CFLAR: variants seen among roughly 807,000 people sequenced by gnomAD.
CFLAR encodes the protein CASP8 and FADD like apoptosis regulator.
In CFLAR, 14 loss-of-function variants were observed where a neutral mutation model predicts 51.1. The observed-to-expected ratio is 0.27, with a 90% CI of 0.18 to 0.43. CFLAR has a LOEUF of 0.43. Among genes scored for constraint, CFLAR ranks in the 20% least tolerant of loss-of-function variants. The pLI, the probability that CFLAR is intolerant of heterozygous loss-of-function variation, is 1.00. For synonymous variants in CFLAR, 210 were observed against 211.6 expected, an observed-to-expected ratio of 0.99 and a Z score of 0.06; for missense variants, 390 against 566.5, an observed-to-expected ratio of 0.69 and a Z score of 3.16.
chr2:201,168,196 C>A lies in CFLAR; in HGVS notation c.*4223C>A, dbSNP rs1362136215. On this transcript the variant is annotated 3_prime_UTR_variant, in exon 10 of 10. Coordinates refer to ENST00000309955, the MANE Select transcript of CFLAR (RefSeq NM_003879.7). ...GGTGGAGCTTGCAGCGAGCTGAGAT[C>A]TTGCCACTGCACTCCAGCCTGGGCG... 6.6e-6 allele frequency: 1 copy of A among 152,160 alleles called. No individual in the cohort carries two copies. The highest frequency in any genetic ancestry group is 6.5e-5 in the Admixed American group (1 of 15,270). The allele number at this position is 152,160 out of a possible 1,614,324, so 9.4% of individuals were successfully genotyped here.
At position 201,175,934 on chromosome 2, in the gene CFLAR, T is replaced by G. The variant is rs1944162987; in HGVS notation, c.*11961T>G. On this transcript the variant is annotated 3_prime_UTR_variant, in exon 10 of 10. Transcript: ENST00000309955. ...GCCTGGCCATCATGATGATGAAACC[T>G]CGTCTCTACTAAAAATAGAAAAATC... 1 of 151,850 alleles carries G rather than the reference T, an allele frequency of 6.6e-6. No individual in the cohort carries two copies. The highest frequency in any genetic ancestry group is 2.4e-5 in the African/African-American group (1 of 41,312). The allele number at this position is 151,850 out of a possible 1,614,324, so 9.4% of individuals were successfully genotyped here.
At chr2:201,143,319 A>G (rs1358194745) in intron 5 of CFLAR, 2 of 152,034 alleles carry the variant, frequency 1.3e-5, no homozygotes, top group Middle Eastern at 3.2e-3. Flanking sequence ...CTAAAAATAC[A>G]AAATTTTCCA....
chr2:201,120,039 T>C (rs2125589237), intron 1 of CFLAR, among the ~76,000 whole-genome samples: 1 of 149,820 alleles, frequency 6.7e-6, no homozygotes. Context: ...TTTTTTTTTT[T>C]TTTGAGATGA....
Position 201,164,164 on chromosome 2 carries a change from C to T in CFLAR, c.*191C>T. On this transcript the variant is annotated 3_prime_UTR_variant, in exon 10 of 10. Coordinates refer to ENST00000309955, the MANE Select transcript of CFLAR (RefSeq NM_003879.7). Reference sequence around the variant, plus strand: ...CCTGTATTCCCAGTTACTTGGGAGGCTGAGGTGGGAGGATCTTTTGAACCC... The same window carrying T: ...CCTGTATTCCCAGTTACTTGGGAGGTTGAGGTGGGAGGATCTTTTGAACCC... 2.3e-6 allele frequency: 1 copy of T among 440,132 alleles called. No individual in the cohort carries two copies. The highest frequency in any genetic ancestry group is 4.1e-6 in the Non-Finnish European group (1 of 245,926). The allele number at this position is 440,132 out of a possible 1,614,324, so 27.3% of individuals were successfully genotyped here.
Position 201,124,203 on chromosome 2 carries a change from G to A in CFLAR, c.-137-5526G>A, listed in dbSNP as rs1480913794. On this transcript the variant is annotated intron_variant, in intron 1 of 9. Transcript: ENST00000309955. This position sits in a 1 kb window ranked among gnomAD's most constrained non-coding sequence, Gnocchi z 4.7. ...TGCCTTTGTTACCAGATAGTTTGGGGGCAGCGTTGGTGTTCTGTGAGAAAG... is the reference window on the plus strand; with the variant it reads ...TGCCTTTGTTACCAGATAGTTTGGGAGCAGCGTTGGTGTTCTGTGAGAAAG... Among the ~76,000 whole-genome samples, 1 of 152,156 alleles carries A rather than the reference G, an allele frequency of 6.6e-6. No homozygotes were observed. The highest frequency in any genetic ancestry group is 2.4e-5 in the African/African-American group (1 of 41,428).
chr2:201,146,079 G>A (rs1009599929), intron 6 of CFLAR, among the ~76,000 whole-genome samples: 2 of 151,804 alleles, frequency 1.3e-5, no homozygotes, highest in African/African-American at 4.8e-5. Flanking sequence ...TAATTCTCAT[G>A]CCTCAGCCTC....
In CFLAR at chr2:201,145,260, G is replaced by A. The variant is rs41271457; in HGVS notation, c.607-118G>A. 4,505 of 609,202 alleles carry A rather than the reference G, an allele frequency of 7.4e-3. 25 individuals are homozygous for A. Among genetic ancestry groups the A allele is most frequent in the Non-Finnish European group, 0.01 (3,455 of 337,642 alleles). 37.7% of individuals were successfully genotyped at this position (609,202 alleles called of 1,614,324 possible). On this transcript the variant is annotated intron_variant, in intron 5 of 9. Coordinates refer to ENST00000309955, the MANE Select transcript of CFLAR (RefSeq NM_003879.7). ...CTTTAGATAATTTAACTGTTGGGAC[G>A]ATATTTTTATTTTTTTCCTGAGTTA... is the stretch of plus-strand genomic sequence containing the variant.
chr2:201,131,924 A>T (rs2049373401), intron 2 of CFLAR, among the ~76,000 whole-genome samples: 1 of 151,722 alleles, frequency 6.6e-6, no homozygotes, highest in Non-Finnish European at 1.5e-5. Flanking sequence ...TGTTGTGAGC[A>T]TCAGTTGTAA....
intron 8 of CFLAR, chr2:201,157,818 A>G (rs1942426553): frequency 6.6e-6 from 1 of 152,276 alleles, no homozygotes; most frequent in Admixed American, 6.5e-5. Context: ...TAAAGTTGCA[A>G]GTGCCAGCTA....
intron 3 of CFLAR, among the ~76,000 whole-genome samples, chr2:201,135,380 C>T (rs2049960186): frequency 6.6e-6 from 1 of 152,164 alleles, no homozygotes; most frequent in Non-Finnish European, 1.5e-5. Flanking sequence ...GTCTTTTCAG[C>T]CCTGCTCTTT....
chr2:201,127,503 G>A (rs533496643), intron 1 of CFLAR, among the ~76,000 whole-genome samples: 1 of 152,250 alleles, frequency 6.6e-6, no homozygotes, highest in South Asian at 2.1e-4. Context: ...AAAAACTGAA[G>A]ACCTTATGAG....
At chr2:201,146,006 A>T (rs1284543753) in intron 6 of CFLAR, among the ~76,000 whole-genome samples, 1 of 151,402 alleles carries the variant, frequency 6.6e-6, no homozygotes, top group African/African-American at 2.4e-5. Context: ...TCACTCTGTC[A>T]CCCAGGCCGG....
intron 8 of CFLAR, among the ~76,000 whole-genome samples, chr2:201,158,871 A>ATTATTATTG (rs1942627118): frequency 6.7e-6 from 1 of 148,406 alleles, no homozygotes; most frequent in African/African-American, 2.5e-5. Context: ...TATTATTATT[A>ATTATTATTG]TTATTATTAT....
chr2:201,123,390 C>T (rs1486218877), intron 1 of CFLAR, among the ~76,000 whole-genome samples: 1 of 152,148 alleles, frequency 6.6e-6, no homozygotes, highest in African/African-American at 2.4e-5. Flanking sequence ...CTGGGAAGTC[C>T]AAGATCAAGG....
At position 201,118,352 on chromosome 2, in the gene CFLAR, G is replaced by C. The variant is rs1017867715; in HGVS notation, c.-138+1871G>C. 5 of 152,284 alleles carry C rather than the reference G, an allele frequency of 3.3e-5. No individual in the cohort carries two copies. The highest frequency in any genetic ancestry group is 1.2e-4 in the African/African-American group (5 of 41,468). 9.4% of individuals were successfully genotyped at this position (152,284 alleles called of 1,614,324 possible). Reference sequence around the variant, plus strand: ...CCCCGAAAGTCTTGCGCGACCCGGGGTGGGCCGGATAGTGTGCAGTTTTTT... The same window carrying C: ...CCCCGAAAGTCTTGCGCGACCCGGGCTGGGCCGGATAGTGTGCAGTTTTTT... On this transcript the variant is annotated intron_variant, in intron 1 of 9. Transcript: ENST00000309955. This position sits in a 1 kb window ranked among gnomAD's most constrained non-coding sequence, Gnocchi z 5.1.
chr2:201,122,871 G>A (rs1240182871), intron 1 of CFLAR: 2 of 152,186 alleles, frequency 1.3e-5, no homozygotes, highest in African/African-American at 4.8e-5. Context: ...TAGATTATGG[G>A]TTGGGCTGAA....
chr2:201,131,032 T>C (rs896721374), intron 2 of CFLAR, among the ~76,000 whole-genome samples: 1 of 152,226 alleles, frequency 6.6e-6, no homozygotes, highest in Non-Finnish European at 1.5e-5. Flanking sequence ...AGAGCCCACA[T>C]TGAAAATCTC....
intron 1 of CFLAR, among the ~76,000 whole-genome samples, chr2:201,120,687 A>G (rs72931019): frequency 0.027 from 4,100 of 152,334 alleles, 93 homozygotes; most frequent in Middle Eastern, 0.082. Flanking sequence ...TTCTTTAGTC[A>G]TGTGACTTTA....
Position 201,175,796 on chromosome 2 carries a change from C to G in CFLAR, c.*11823C>G, listed in dbSNP as rs1401503132. 6.6e-6 allele frequency: 1 copy of G among 151,536 alleles called. No homozygotes were observed. Among genetic ancestry groups the G allele is most frequent in the African/African-American group, 2.4e-5 (1 of 41,246 alleles). 9.4% of individuals were successfully genotyped at this position (151,536 alleles called of 1,614,324 possible). A position where few individuals can be genotyped will look rare whatever the true frequency, so the allele number is the denominator to read the frequency against. The stretch of plus-strand genomic sequence containing the variant: ...GGAGGGACCGAGGCAAGTTTCAGAG[C>G]AACAGTGAAAGTTTATTACGCTTTA... On this transcript the variant is annotated 3_prime_UTR_variant, in exon 10 of 10. Transcript: ENST00000309955.
Sources: allele counts gnomAD v4.1 joint callset (sites outside exome capture counted in the v4.1 genomes callset), GRCh38; gene constraint gnomAD v4.1.1; non-coding constraint Gnocchi (gnomAD v3.1); transcripts MANE v1.5; gene names NCBI Gene and HGNC (gene_info 2026-07-23, HGNC 2026-07-21).